The following PDE11A variants were observed in gnomAD, a reference collection of about 807,000 sequenced individuals.
The protein encoded by PDE11A is phosphodiesterase 11A.
Under a neutral mutation model 100.5 loss-of-function variants are expected in PDE11A, and 100 were observed. The ratio of observed to expected loss-of-function variants is 1.00; its 90% CI spans 0.85 to 1.18. The LOEUF is 1.18. Ranked by LOEUF, PDE11A falls within the 50% of genes most tolerant of loss-of-function variation. The probability of loss-of-function intolerance (pLI) is 0.00; values close to 1 mark genes in which losing one functional copy is unlikely to be tolerated. For synonymous variants in PDE11A, 381 were observed against 420.8 expected (o/e 0.91, Z 1.16); for missense variants, 1,141 against 1,152.6 (o/e 0.99, Z 0.15).
chr2:177,919,255 G>T, intron 2 of PDE11A, among the ~76,000 whole-genome samples: 1 of 146,730 alleles, frequency 6.8e-6, no homozygotes. Flanking sequence ...GCACCACCAT[G>T]CCTGGCTAAT....
At chr2:178,050,523 A>T (rs1336138563) in intron 1 of PDE11A, among the ~76,000 whole-genome samples, 2 of 152,232 alleles carry the variant, frequency 1.3e-5, no homozygotes, top group Admixed American at 6.5e-5. Flanking sequence ...AGTTGAGAGA[A>T]GAAGGCTTCA....
At position 177,912,050 on chromosome 2, in the gene PDE11A, G is replaced by C. The variant is rs550354125; in HGVS notation, c.1072-6863C>G. 2.0e-5 allele frequency among the ~76,000 whole-genome samples: 3 copies of C among 152,242 alleles called. No homozygotes were observed. In the South Asian group the frequency reaches 6.2e-4, roughly 32 times the overall value. ...AAAGAAGGAGAAGCTTTGTTTTTTG[G>C]AGACAGAAACAAGGACAAGATAATG... On this transcript the variant is annotated intron_variant, in intron 2 of 19. Transcript: ENST00000286063.
At chr2:177,637,344 A>C (rs1347941686) in intron 19 of PDE11A, among the ~76,000 whole-genome samples, 1 of 152,144 alleles carries the variant, frequency 6.6e-6, no homozygotes, top group East Asian at 1.9e-4. Flanking sequence ...CACTCAGCTC[A>C]CATTCTGTCT....
intron 2 of PDE11A, among the ~76,000 whole-genome samples, chr2:178,013,961 A>C (rs2086302524): frequency 6.6e-6 from 1 of 152,184 alleles, no homozygotes; most frequent in Non-Finnish European, 1.5e-5. Context: ...AAACACAGCA[A>C]TCTTCCTATA....
At chr2:178,050,982 AT>A (rs1477528749) in intron 1 of PDE11A, among the ~76,000 whole-genome samples, 1 of 152,228 alleles carries the variant, frequency 6.6e-6, no homozygotes, top group Non-Finnish European at 1.5e-5. Context: ...GCAGACCAAC[AT>A]TCAAATTCAG....
At position 177,639,935 on chromosome 2, in the gene PDE11A, G is replaced by A. The variant is rs558923850; in HGVS notation, c.2647-10373C>T. ...TGTTTGAACCTGAAAATGTCCAACG[G>A]TGTCATTAATATATTTTTTAAAACT... On this transcript the variant is annotated intron_variant, in intron 19 of 19. Transcript: ENST00000286063. Among the ~76,000 whole-genome samples, 4 of 152,192 alleles carry A rather than the reference G, an allele frequency of 2.6e-5. No individual in the cohort carries two copies. In the East Asian group the frequency reaches 7.7e-4, roughly 29 times the overall value.
intron 1 of PDE11A, among the ~76,000 whole-genome samples, chr2:178,020,241 C>A (rs2086390373): frequency 6.6e-6 from 1 of 152,154 alleles, no homozygotes; most frequent in Non-Finnish European, 1.5e-5. Context: ...GTAGGAACAG[C>A]CTGTTTGCCC....
At chr2:177,796,524 G>A (rs1302401517) in intron 9 of PDE11A, among the ~76,000 whole-genome samples, 1 of 152,156 alleles carries the variant, frequency 6.6e-6, no homozygotes. Flanking sequence ...ATCCAGCACA[G>A]TGTGGAGGGG....
chr2:177,829,601 T>A (rs9808095), intron 6 of PDE11A, among the ~76,000 whole-genome samples: 2 of 149,842 alleles, frequency 1.3e-5, no homozygotes, highest in African/African-American at 5.0e-5. Context: ...GTGCCACCAC[T>A]CCTGGCTAAT....
intron 2 of PDE11A, among the ~76,000 whole-genome samples, chr2:177,943,050 T>C (rs1158927839): frequency 1.3e-5 from 2 of 152,242 alleles, no homozygotes; most frequent in Non-Finnish European, 2.9e-5. Flanking sequence ...ACAGGATTTC[T>C]TCCCTTTTTA....
chr2:178,089,847 C>G (rs146854761), intron 2 of PDE11A, among the ~76,000 whole-genome samples: 8 of 152,284 alleles, frequency 5.3e-5, no homozygotes, highest in African/African-American at 1.7e-4. Flanking sequence ...CTGTTTCTCC[C>G]CATTTCAAAG....
chr2:178,103,991 C>G (rs2087589462), intron 2 of PDE11A, among the ~76,000 whole-genome samples: 1 of 152,130 alleles, frequency 6.6e-6, no homozygotes, highest in African/African-American at 2.4e-5. Context: ...AGAATCACTA[C>G]TGCCATTATA....
chr2:177,634,394 T>TTTTC (rs1444554074), intron 19 of PDE11A, among the ~76,000 whole-genome samples: 3 of 151,132 alleles, frequency 2.0e-5, no homozygotes, highest in African/African-American at 7.3e-5. Flanking sequence ...CTCTCTCTTT[T>TTTTC]TTTTTTTTTT....
Position 177,701,216 on chromosome 2 carries a change from A to T in PDE11A, c.2154-5T>A, listed in dbSNP as rs2081191570. On this transcript the variant is annotated splice_polypyrimidine_tract_variant and splice_region_variant and intron_variant, in intron 13 of 19. Coordinates refer to ENST00000286063, the MANE Select transcript of PDE11A (RefSeq NM_016953.4). Reference sequence around the variant, plus strand: ...TGGGCCAGGGCAGAGCCACTCCTGAAAGAGGACAGAGGGTGAGTGAGCAGG... The same window carrying T: ...TGGGCCAGGGCAGAGCCACTCCTGATAGAGGACAGAGGGTGAGTGAGCAGG... 1.4e-6 allele frequency: 2 copies of T among 1,450,024 alleles called. No individual in the cohort carries two copies. The highest frequency in any genetic ancestry group is 2.3e-5 in the South Asian group (2 of 87,786). 89.8% of individuals were successfully genotyped at this position (1,450,024 alleles called of 1,614,324 possible).
intron 5 of PDE11A, among the ~76,000 whole-genome samples, chr2:177,855,065 C>T (rs943746682): frequency 1.3e-5 from 2 of 152,044 alleles, no homozygotes; most frequent in African/African-American, 4.8e-5. Context: ...TTCTTCATTT[C>T]CTTGACATTG....
At chr2:177,913,921 G>C (rs1432022932) in intron 2 of PDE11A, among the ~76,000 whole-genome samples, 1 of 152,038 alleles carries the variant, frequency 6.6e-6, no homozygotes, top group Non-Finnish European at 1.5e-5. Context: ...AAGAACATAT[G>C]CTCAAAAAAT....
intron 5 of PDE11A, among the ~76,000 whole-genome samples, chr2:177,851,900 C>A (rs1402818785): frequency 2.0e-5 from 3 of 152,034 alleles, no homozygotes; most frequent in Non-Finnish European, 4.4e-5. Flanking sequence ...TCCCTCTTCC[C>A]ACCCTCCACC....
chr2:177,970,504 C>A lies in PDE11A; in HGVS notation c.1071+43798G>T, dbSNP rs548027550. Among the ~76,000 whole-genome samples the A allele has an allele frequency of 4.0e-5, 6 of 151,896 alleles. No individual in the cohort carries two copies. The South Asian group carries it at 1.3e-3, about 32-fold the overall frequency. Reference sequence around the variant, plus strand: ...GCCAAGTAGTTGAAAAACTGACCAACACAGAAAACTCAAGAGAATGATGAA... The same window carrying A: ...GCCAAGTAGTTGAAAAACTGACCAAAACAGAAAACTCAAGAGAATGATGAA... On this transcript the variant is annotated intron_variant, in intron 2 of 19. Transcript: ENST00000286063.
At chr2:178,106,367 T>C (rs2105891270) in intron 1 of PDE11A, among the ~76,000 whole-genome samples, 1 of 152,336 alleles carries the variant, frequency 6.6e-6, no homozygotes, top group Middle Eastern at 3.4e-3. Context: ...AACCAATAGT[T>C]CAGGTTTCAT....
Sources: gnomAD v4.1 joint callset for allele counts (sites outside exome capture counted in the v4.1 genomes callset) on GRCh38, gnomAD v4.1.1 for gene constraint, MANE v1.5 for transcripts, NCBI Gene and HGNC (gene_info 2026-07-23, HGNC 2026-07-21) for gene names.